HIVEP3: variants seen among roughly 807,000 people sequenced by gnomAD.
HIVEP3 encodes HIVEP zinc finger 3, also known as transcription factor HIVEP3.
Under a neutral mutation model 152.8 loss-of-function variants are expected in HIVEP3, and 49 were observed. That is an observed-to-expected ratio of 0.32 (90% confidence interval 0.26 to 0.41). The LOEUF is 0.41. Ranked by LOEUF, HIVEP3 falls within the 10% of genes least tolerant of loss-of-function variation. The probability of loss-of-function intolerance (pLI) is 1.00; values close to 1 mark genes in which losing one functional copy is unlikely to be tolerated. For missense variants in HIVEP3, 2,790 were observed against 3,103.3 expected, an observed-to-expected ratio of 0.90 and a Z score of 2.40; for synonymous variants, 1,269 against 1,289.0, an observed-to-expected ratio of 0.98 and a Z score of 0.33.
chr1:41,978,742 A>C (rs1385595976), intron 1 of HIVEP3, among the ~76,000 whole-genome samples: 1 of 152,224 alleles, frequency 6.6e-6, no homozygotes, highest in Non-Finnish European at 1.5e-5. Flanking sequence ...AATAAACAAA[A>C]GAGACAGAGC....
In HIVEP3 at chr1:41,695,377, T is replaced by G. The variant is rs370448976; in HGVS notation, c.-721+5539A>C. Among the ~76,000 whole-genome samples, 5 of 152,214 alleles carry G rather than the reference T, an allele frequency of 3.3e-5. No individual in the cohort carries two copies. The East Asian group carries it at 9.6e-4, about 29-fold the overall frequency. On this transcript the variant is annotated intron_variant, in intron 2 of 8. Coordinates refer to ENST00000372583, the MANE Select transcript of HIVEP3 (RefSeq NM_024503.5). The stretch of plus-strand genomic sequence containing the variant: ...CAGGCTGGCAGTAGCTGGGCAGGCC[T>G]CAGCTTATTTCTAAGTCTGGATTAG...
At chr1:41,841,712 G>A (rs1285105953) in intron 1 of HIVEP3, among the ~76,000 whole-genome samples, 1 of 152,218 alleles carries the variant, frequency 6.6e-6, no homozygotes, top group Non-Finnish European at 1.5e-5. Context: ...TCACGCGTAA[G>A]TGATGGCTCC....
At position 41,511,268 on chromosome 1, in the gene HIVEP3, TG is replaced by T; in HGVS notation, c.6406-3del. The T allele has an allele frequency of 1.3e-6, 2 of 1,594,134 alleles. No homozygotes were observed. Among genetic ancestry groups the T allele is most frequent in the Non-Finnish European group, 1.7e-6 (2 of 1,169,472 alleles). On this transcript the variant is annotated splice_region_variant and splice_polypyrimidine_tract_variant and intron_variant, in intron 8 of 8. Coordinates refer to ENST00000372583, the MANE Select transcript of HIVEP3 (RefSeq NM_024503.5). This position sits in a 1 kb window ranked among gnomAD's most constrained non-coding sequence, Gnocchi z 4.9. ...GGGACTTCGGGACTCGGCCTTCTGC[TG>T]GGGTCAGAAAACAAGACAAGGTAAG...
chr1:42,012,152 A>G (rs960501973), intron 1 of HIVEP3, among the ~76,000 whole-genome samples: 1 of 151,878 alleles, frequency 6.6e-6, no homozygotes, highest in East Asian at 1.9e-4. Flanking sequence ...GCTAGTTTAC[A>G]GAACAGGGTA....
At chr1:41,847,550 A>C (rs909592312) in intron 1 of HIVEP3, 1 of 152,272 alleles carries the variant, frequency 6.6e-6, no homozygotes, top group East Asian at 1.9e-4. Flanking sequence ...CTACACTTCC[A>C]AAGTTTTTGT....
chr1:41,868,972 A>G (rs1644031538), intron 1 of HIVEP3, among the ~76,000 whole-genome samples: 1 of 152,218 alleles, frequency 6.6e-6, no homozygotes, highest in Non-Finnish European at 1.5e-5. Flanking sequence ...ACAGTTCAGA[A>G]TGTGAAATGA....
At chr1:41,616,689 A>G (rs1570115294) in intron 3 of HIVEP3, among the ~76,000 whole-genome samples, 1 of 150,934 alleles carries the variant, frequency 6.6e-6, no homozygotes, top group African/African-American at 2.4e-5. Flanking sequence ...CTGGCCTCAA[A>G]TGATCCTCCC....
chr1:41,793,550 T>A (rs1400361814), intron 1 of HIVEP3, among the ~76,000 whole-genome samples: 1 of 152,206 alleles, frequency 6.6e-6, no homozygotes, highest in Admixed American at 6.5e-5. Flanking sequence ...ATCATAAGCA[T>A]TAATTCATTA....
At chr1:41,522,612 C>T (rs1642790120) in intron 6 of HIVEP3, among the ~76,000 whole-genome samples, 1 of 152,222 alleles carries the variant, frequency 6.6e-6, no homozygotes, top group South Asian at 2.1e-4. Flanking sequence ...CTGGACCCTC[C>T]AAAGCCCTCC....
chr1:41,702,392 C>G (rs556897381), intron 1 of HIVEP3, among the ~76,000 whole-genome samples: 1 of 152,250 alleles, frequency 6.6e-6, no homozygotes, highest in East Asian at 1.9e-4. Context: ...TTATTTGTAT[C>G]CACATTTTCT....
intron 1 of HIVEP3, among the ~76,000 whole-genome samples, chr1:41,721,204 A>AT (rs56881396): frequency 0.077 from 11,199 of 145,778 alleles, 1,022 homozygotes; most frequent in East Asian, 0.23. Flanking sequence ...TCTTACTGCA[A>AT]TTTTTTTTTT....
intron 1 of HIVEP3, among the ~76,000 whole-genome samples, chr1:41,875,403 C>G (rs1208061738): frequency 1.3e-5 from 2 of 152,274 alleles, no homozygotes; most frequent in Non-Finnish European, 2.9e-5. Flanking sequence ...AACAGCCTTC[C>G]AACTGGGTTC....
At chr1:41,897,278 T>C (rs1483966022) in intron 1 of HIVEP3, among the ~76,000 whole-genome samples, 1 of 152,144 alleles carries the variant, frequency 6.6e-6, no homozygotes, top group Non-Finnish European at 1.5e-5. Flanking sequence ...TGAACAGACA[T>C]CACCTGGGGC....
chr1:41,891,858 G>A (rs577759812), intron 1 of HIVEP3, among the ~76,000 whole-genome samples: 3 of 152,234 alleles, frequency 2.0e-5, no homozygotes, highest in Non-Finnish European at 4.4e-5. Flanking sequence ...TGTGAAAAGA[G>A]ATGGCCTTCC....
intron 2 of HIVEP3, among the ~76,000 whole-genome samples, chr1:41,697,630 T>A (rs1646296844): frequency 6.6e-6 from 1 of 152,178 alleles, no homozygotes; most frequent in Admixed American, 6.5e-5. Context: ...GGCTGCTGTC[T>A]AAACTCTCAG....
At chr1:41,923,121 T>C (rs867310598), upstream of HIVEP3, among the ~76,000 whole-genome samples, 31 of 152,138 alleles carry the variant, frequency 2.0e-4, no homozygotes, top group Admixed American at 2.0e-3. Context: ...ACAAAGTGGA[T>C]TGATGGAAGT....
At chr1:41,844,122 G>T (rs1172912141) in intron 1 of HIVEP3, among the ~76,000 whole-genome samples, 1 of 152,200 alleles carries the variant, frequency 6.6e-6, no homozygotes, top group Non-Finnish European at 1.5e-5. Flanking sequence ...ATAGTAAAGA[G>T]GGGAGGGAGC....
In HIVEP3 at chr1:41,618,528, A is replaced by G. The variant is rs1219823540; in HGVS notation, c.-522+10221T>C. Among the ~76,000 whole-genome samples, 3 of 152,094 alleles carry G rather than the reference A, an allele frequency of 2.0e-5. No homozygotes were observed. The East Asian group carries it at 5.8e-4, about 29-fold the overall frequency. ...GCTCTGACAGCAGCGTCTGCCTGCCATCCTCGGGCACCACTCATAGGCCTT... is the reference window on the plus strand; with the variant it reads ...GCTCTGACAGCAGCGTCTGCCTGCCGTCCTCGGGCACCACTCATAGGCCTT... On this transcript the variant is annotated intron_variant, in intron 3 of 8. Coordinates refer to ENST00000372583, the MANE Select transcript of HIVEP3 (RefSeq NM_024503.5).
At chr1:42,034,330 C>A (rs192235131) in intron 1 of HIVEP3, among the ~76,000 whole-genome samples, 1 of 152,292 alleles carries the variant, frequency 6.6e-6, no homozygotes, top group Admixed American at 6.5e-5. Flanking sequence ...AAGTGGGCTG[C>A]AAATCTGTTA....
Sources: gnomAD v4.1 joint callset for allele counts (sites outside exome capture counted in the v4.1 genomes callset) on GRCh38, gnomAD v4.1.1 for gene constraint, Gnocchi (gnomAD v3.1) non-coding constraint, MANE v1.5 for transcripts, NCBI Gene and HGNC (gene_info 2026-07-23, HGNC 2026-07-21) for gene names.